MCTP1: variants seen among roughly 807,000 people sequenced by gnomAD.
MCTP1 encodes the protein multiple C2 and transmembrane domain-containing protein 1.
MCTP1 carries 69 observed loss-of-function variants against 120.6 expected under a neutral mutation model. The ratio of observed to expected loss-of-function variants is 0.57; its 90% CI spans 0.47 to 0.70. MCTP1 has a LOEUF of 0.70. Among genes scored for constraint, MCTP1 ranks in the 30% least tolerant of loss-of-function variants. MCTP1 has a pLI of 0.00. For missense variants in MCTP1, 1,203 were observed against 1,248.8 expected (o/e 0.96, Z 0.55); for synonymous variants, 529 against 493.1 (o/e 1.07, Z -0.96).
chr5:94,941,133 C>A (rs1366000907), intron 4 of MCTP1, among the ~76,000 whole-genome samples: 1 of 151,906 alleles, frequency 6.6e-6, no homozygotes, highest in Non-Finnish European at 1.5e-5. Flanking sequence ...TCATAGGAAA[C>A]AAGATAAATT....
chr5:95,208,483 A>G (rs1246632372), intron 1 of MCTP1, among the ~76,000 whole-genome samples: 1 of 152,176 alleles, frequency 6.6e-6, no homozygotes, highest in Middle Eastern at 3.2e-3. Context: ...TTTATAGTTT[A>G]TGAAATATTT....
intron 1 of MCTP1, among the ~76,000 whole-genome samples, chr5:95,043,313 C>T (rs921375137): frequency 6.6e-6 from 1 of 152,016 alleles, no homozygotes; most frequent in African/African-American, 2.4e-5. Context: ...CCTTTCTCTC[C>T]CTCCAAAACT....
At chr5:94,714,136 ATG>A (rs1758190827) in intron 20 of MCTP1, among the ~76,000 whole-genome samples, 2 of 152,164 alleles carry the variant, frequency 1.3e-5, no homozygotes, top group African/African-American at 4.8e-5. Flanking sequence ...GTATATAAGA[ATG>A]TAAGTTTCTT....
intron 12 of MCTP1, among the ~76,000 whole-genome samples, chr5:94,882,600 C>G (rs1393541585): frequency 6.6e-6 from 1 of 152,136 alleles, no homozygotes; most frequent in Non-Finnish European, 1.5e-5. Flanking sequence ...TCTTCAAGCA[C>G]TGAGTGAAAT....
At chr5:94,825,950 G>A in intron 17 of MCTP1, 1 of 219,742 alleles carries the variant, frequency 4.6e-6, no homozygotes, top group Non-Finnish European at 9.4e-6. Flanking sequence ...AATCATGGTA[G>A]GCAACTTAGA....
At chr5:95,038,139 T>C in intron 1 of MCTP1, 1 of 984,298 alleles carries the variant, frequency 1.0e-6, no homozygotes, top group Non-Finnish European at 1.2e-6. Context: ...TGGAGTAGGA[T>C]CTCATACACT....
intron 2 of MCTP1, among the ~76,000 whole-genome samples, chr5:94,961,026 T>C (rs1824007282): frequency 6.6e-6 from 1 of 152,116 alleles, no homozygotes; most frequent in Non-Finnish European, 1.5e-5. Flanking sequence ...CCAACCCAAA[T>C]GTCCATCAAT....
intron 1 of MCTP1, among the ~76,000 whole-genome samples, chr5:95,172,622 A>G (rs1747468744): frequency 6.6e-6 from 1 of 151,962 alleles, no homozygotes; most frequent in South Asian, 2.1e-4. Flanking sequence ...GATGTCTAGC[A>G]CTACATGAGG....
intron 1 of MCTP1, among the ~76,000 whole-genome samples, chr5:95,238,893 C>T (rs1755852371): frequency 6.6e-6 from 1 of 152,186 alleles, no homozygotes; most frequent in South Asian, 2.1e-4. Context: ...ACAAGCCTTG[C>T]TCGGTATAAT....
At chr5:94,916,846 G>A (rs913016470) in intron 8 of MCTP1, among the ~76,000 whole-genome samples, 5 of 152,226 alleles carry the variant, frequency 3.3e-5, no homozygotes, top group African/African-American at 1.2e-4. Flanking sequence ...CAGCCTGCCA[G>A]GTAATTCTGA....
intron 17 of MCTP1, among the ~76,000 whole-genome samples, chr5:94,824,858 G>T (rs1229786628): frequency 6.6e-6 from 1 of 152,164 alleles, no homozygotes; most frequent in Non-Finnish European, 1.5e-5. Flanking sequence ...ATGGTAGTTT[G>T]TATTTCTGTG....
intron 1 of MCTP1, among the ~76,000 whole-genome samples, chr5:95,190,226 A>T (rs938227440): frequency 2.0e-5 from 3 of 152,136 alleles, no homozygotes; most frequent in Non-Finnish European, 4.4e-5. Flanking sequence ...TGGAACTGCC[A>T]TGGAAATTCT....
At chr5:95,018,613 C>T (rs1837591262) in intron 1 of MCTP1, among the ~76,000 whole-genome samples, 1 of 151,878 alleles carries the variant, frequency 6.6e-6, no homozygotes. Context: ...AACTCACTGT[C>T]TCTCCTCTGG....
chr5:94,748,922 G>A (rs775326934), intron 19 of MCTP1, among the ~76,000 whole-genome samples: 9 of 151,600 alleles, frequency 5.9e-5, no homozygotes, highest in East Asian at 1.9e-4. Flanking sequence ...CTGCAATAGC[G>A]CTCAATGCAA....
At chr5:94,856,561 C>G (rs1279413186) in intron 17 of MCTP1, among the ~76,000 whole-genome samples, 1 of 151,368 alleles carries the variant, frequency 6.6e-6, no homozygotes, top group African/African-American at 2.4e-5. Context: ...GACATGTGAA[C>G]TAATTGCATT....
At chr5:95,260,495 G>A (rs1373952630) in intron 1 of MCTP1, among the ~76,000 whole-genome samples, 2 of 152,076 alleles carry the variant, frequency 1.3e-5, no homozygotes, top group Non-Finnish European at 2.9e-5. Flanking sequence ...CTCCTCGTCT[G>A]TGCATGGATG....
intron 1 of MCTP1, among the ~76,000 whole-genome samples, chr5:95,089,466 G>C (rs938897169): frequency 6.6e-6 from 1 of 152,120 alleles, no homozygotes; most frequent in Non-Finnish European, 1.5e-5. Context: ...TGGAACTTTT[G>C]GATCCATAAA....
chr5:94,982,277 C>T (rs7726131), intron 2 of MCTP1, among the ~76,000 whole-genome samples: 104,638 of 151,938 alleles, frequency 0.69, 37,003 homozygotes, highest in Non-Finnish European at 0.78. Flanking sequence ...GAATCTATTC[C>T]GACTCCTGTC....
chr5:94,778,545 C>T (rs1056575414), intron 19 of MCTP1, among the ~76,000 whole-genome samples: 4 of 152,110 alleles, frequency 2.6e-5, no homozygotes, highest in Admixed American at 1.3e-4. Context: ...AATCAACCAG[C>T]GATCAAATAT....
Sources: gnomAD v4.1 joint callset for allele counts (sites outside exome capture counted in the v4.1 genomes callset) on GRCh38, gnomAD v4.1.1 for gene constraint, MANE v1.5 for transcripts, NCBI Gene and HGNC (gene_info 2026-07-23, HGNC 2026-07-21) for gene names.